NLGN1: variants seen among roughly 807,000 people sequenced by gnomAD.
NLGN1 encodes the protein neuroligin 1.
Under a neutral mutation model 65.5 loss-of-function variants are expected in NLGN1, and 12 were observed. That is an observed-to-expected ratio of 0.18 (90% CI 0.12 to 0.30). NLGN1 has a LOEUF of 0.30. NLGN1 is among the 10% of genes least tolerant of loss of function. The pLI, the probability that NLGN1 is intolerant of heterozygous loss-of-function variation, is 1.00. For missense variants in NLGN1, 750 were observed against 1,007.1 expected (o/e 0.74, Z 3.46); for synonymous variants, 350 against 359.5 (o/e 0.97, Z 0.30).
intron 4 of NLGN1, among the ~76,000 whole-genome samples, chr3:173,930,686 C>T (rs1418043684): frequency 6.6e-6 from 1 of 152,174 alleles, no homozygotes; most frequent in Non-Finnish European, 1.5e-5. Flanking sequence ...TTGTCATATT[C>T]ATCCTGGTGC....
At chr3:173,927,522 T>C (rs1743231404) in intron 4 of NLGN1, among the ~76,000 whole-genome samples, 1 of 152,168 alleles carries the variant, frequency 6.6e-6, no homozygotes, top group Admixed American at 6.5e-5. Context: ...CTCCTGCTCT[T>C]CCTGGCTACT....
In NLGN1 at chr3:174,149,188, G is replaced by A. The variant is rs117853533; in HGVS notation, c.647-126127G>A. On this transcript the variant is annotated intron_variant, in intron 4 of 6. Coordinates refer to ENST00000457714, the Ensembl canonical transcript of NLGN1. ...GTGAGGAGAAAAAACTTTCAGAGTA[G>A]CATTAAACCCACCTTTGATGTCCCC... 1.1e-3 allele frequency among the ~76,000 whole-genome samples: 174 copies of A among 152,216 alleles called. 5 individuals are homozygous for A. The East Asian group carries it at 0.033, about 29-fold the overall frequency.
chr3:173,884,347 G>A (rs76177874), intron 4 of NLGN1, among the ~76,000 whole-genome samples: 1,710 of 152,240 alleles, frequency 0.011, 35 homozygotes, highest in African/African-American at 0.036. Flanking sequence ...CAAACATCCC[G>A]TCCTAGTCTT....
chr3:173,746,892 T>TA (rs1390459711), intron 3 of NLGN1, among the ~76,000 whole-genome samples: 1 of 151,582 alleles, frequency 6.6e-6, no homozygotes, highest in Non-Finnish European at 1.5e-5. Flanking sequence ...AAAGTATATA[T>TA]ACATAAAAAA....
chr3:173,651,975 G>A (rs958807205), intron 3 of NLGN1, among the ~76,000 whole-genome samples: 1 of 151,986 alleles, frequency 6.6e-6, no homozygotes, highest in Admixed American at 6.6e-5. Flanking sequence ...GTGTTTTCTA[G>A]TAGAGATGGG....
chr3:173,529,966 C>CTTTTTTTTTTTTTTTT (rs930436367), intron 2 of NLGN1, among the ~76,000 whole-genome samples: 1 of 146,210 alleles, frequency 6.8e-6, no homozygotes, highest in African/African-American at 2.6e-5. Flanking sequence ...CTTTCTTTTC[C>CTTTTTTTTTTTTTTTT]TTTTTTTTTT....
intron 4 of NLGN1, among the ~76,000 whole-genome samples, chr3:174,149,706 A>C (rs1157316499): frequency 6.6e-6 from 1 of 152,154 alleles, no homozygotes; most frequent in Non-Finnish European, 1.5e-5. Context: ...AAGATCTCTA[A>C]AAATATTTGA....
chr3:173,540,807 A>G (rs934426339), intron 2 of NLGN1, among the ~76,000 whole-genome samples: 1 of 152,214 alleles, frequency 6.6e-6, no homozygotes, highest in Non-Finnish European at 1.5e-5. Flanking sequence ...CCTTTGGTGC[A>G]TATTTTAATA....
At chr3:173,851,270 A>C (rs182034083) in intron 4 of NLGN1, among the ~76,000 whole-genome samples, 1 of 152,324 alleles carries the variant, frequency 6.6e-6, no homozygotes, top group Admixed American at 6.5e-5. Flanking sequence ...TGAAAGTATA[A>C]ATTAAATTAA....
chr3:174,062,259 CAATT>C (rs1737583570), intron 4 of NLGN1, among the ~76,000 whole-genome samples: 2 of 151,970 alleles, frequency 1.3e-5, no homozygotes, highest in South Asian at 4.1e-4. Flanking sequence ...CGGTTACTGA[CAATT>C]TATTTAATTA....
intron 2 of NLGN1, among the ~76,000 whole-genome samples, chr3:173,561,810 A>G (rs1345415698): frequency 6.6e-6 from 1 of 152,222 alleles, no homozygotes; most frequent in Non-Finnish European, 1.5e-5. Flanking sequence ...TTAAGACATT[A>G]TCCCTGTCTG....
At chr3:174,277,164 T>C (rs1253977703) in intron 5 of NLGN1, among the ~76,000 whole-genome samples, 1 of 151,954 alleles carries the variant, frequency 6.6e-6, no homozygotes, top group Non-Finnish European at 1.5e-5. Flanking sequence ...GGCCTAAACC[T>C]GTCTCCAAAC....
chr3:174,269,748 T>G (rs2152875369), intron 4 of NLGN1, among the ~76,000 whole-genome samples: 1 of 152,076 alleles, frequency 6.6e-6, no homozygotes, highest in East Asian at 1.9e-4. Flanking sequence ...ATGTTTAATT[T>G]TTTGAGGAAT....
chr3:174,126,472 AT>A (rs1270001162), intron 4 of NLGN1, among the ~76,000 whole-genome samples: 1 of 152,160 alleles, frequency 6.6e-6, no homozygotes, highest in Non-Finnish European at 1.5e-5. Context: ...ATTTCTGTAT[AT>A]TCCTTCCAAC....
chr3:173,448,538 C>A (rs540185699), intron 2 of NLGN1, among the ~76,000 whole-genome samples: 3 of 152,088 alleles, frequency 2.0e-5, no homozygotes, highest in Admixed American at 2.0e-4. Context: ...TTGGTTGTGT[C>A]TCTGCCAGGC....
intron 4 of NLGN1, among the ~76,000 whole-genome samples, chr3:173,895,677 G>A (rs921342631): frequency 6.6e-6 from 1 of 151,662 alleles, no homozygotes; most frequent in Non-Finnish European, 1.5e-5. Context: ...AAACTTGGCA[G>A]CTTCCAAGGA....
rs115819661 is a variant in NLGN1 at position 174,043,162 on chromosome 3, C to T, written c.647-232153C>T. ...TTTTCCCATGATTCAGTTACCTCCA[C>T]CTGATCCCTCCCACGACATGTGGAG... is the stretch of plus-strand genomic sequence containing the variant. On this transcript the variant is annotated intron_variant, in intron 4 of 6. Coordinates refer to ENST00000457714, the Ensembl canonical transcript of NLGN1. 5.9e-3 allele frequency among the ~76,000 whole-genome samples: 903 copies of T among 152,300 alleles called. 6 individuals are homozygous for T. Among genetic ancestry groups the T allele is most frequent in the Middle Eastern group, 0.051 (15 of 294 alleles).
intron 4 of NLGN1, among the ~76,000 whole-genome samples, chr3:174,091,560 G>A (rs528247184): frequency 2.0e-5 from 3 of 152,162 alleles, no homozygotes; most frequent in African/African-American, 7.2e-5. Context: ...TAACGAAGAG[G>A]TCATGCTGCA....
At chr3:173,842,156 A>G (rs957325787) in intron 4 of NLGN1, among the ~76,000 whole-genome samples, 2 of 152,178 alleles carry the variant, frequency 1.3e-5, no homozygotes, top group Non-Finnish European at 2.9e-5. Context: ...TTTTAAAACT[A>G]TCAGATTTCA....
Sources: gnomAD v4.1 joint callset for allele counts (sites outside exome capture counted in the v4.1 genomes callset) on GRCh38, gnomAD v4.1.1 for gene constraint, MANE v1.5 for transcripts, NCBI Gene and HGNC (gene_info 2026-07-23, HGNC 2026-07-21) for gene names.